Variants in KLRG2 observed in about 807,000 individuals in gnomAD.
KLRG2 encodes the protein killer cell lectin-like receptor subfamily G member 2.
In KLRG2, 39 loss-of-function variants were observed where a neutral mutation model predicts 35.4. The ratio of observed to expected loss-of-function variants is 1.10; its 90% CI spans 0.85 to 1.44. The LOEUF is 1.44. Ranked by LOEUF, KLRG2 falls within the 40% of genes most tolerant of loss-of-function variation. The pLI, the probability that KLRG2 is intolerant of heterozygous loss-of-function variation, is 0.00. For synonymous variants in KLRG2, 283 were observed against 265.8 expected, an observed-to-expected ratio of 1.06 and a Z score of -0.63; for missense variants, 632 against 570.9, an observed-to-expected ratio of 1.11 and a Z score of -1.09.
the KLRG2 span, among the ~76,000 whole-genome samples, chr7:139,433,418 C>T: frequency 2.0e-5 from 3 of 151,984 alleles, no homozygotes; most frequent in Admixed American, 6.6e-5. Flanking sequence ...CTCCACTTCC[C>T]GAGTTCAAGC....
chr7:139,470,294 G>A (rs1004244312), intron 3 of KLRG2, among the ~76,000 whole-genome samples: 1 of 151,692 alleles, frequency 6.6e-6, no homozygotes, highest in Non-Finnish European at 1.5e-5. Flanking sequence ...TCCTGACCTC[G>A]TGATCTGCCC....
the KLRG2 span, among the ~76,000 whole-genome samples, chr7:139,432,048 G>GT: frequency 8.3e-6 from 1 of 120,674 alleles, no homozygotes; most frequent in African/African-American, 5.8e-5. Context: ...GTAAATGTAT[G>GT]TTTTAAAAAA....
At chr7:139,453,808 C>A in intron 4 of KLRG2, 101 bp from the exon 5 acceptor site, 1 of 1,388,066 alleles carries the variant, frequency 7.2e-7, no homozygotes, top group South Asian at 1.2e-5. Context: ...CCTCTACCGG[C>A]CTGGGCACTG....
Position 139,475,036 on chromosome 7 carries a change from T to C in KLRG2, c.1005+4591A>G, listed in dbSNP as rs761427447. Among the ~76,000 whole-genome samples the C allele has an allele frequency of 5.8e-4, 89 of 152,170 alleles. 1 individual carries two copies. The highest frequency in any genetic ancestry group is 3.2e-3 in the Middle Eastern group (1 of 316). On this transcript the variant is annotated intron_variant, in intron 3 of 4. Transcript: ENST00000340940. ...TGCTGCAGAGACAGGCCAAGAAGAA[T>C]TGGAGCAGACAGGCCTCGCTGGGTT...
intron 3 of KLRG2, among the ~76,000 whole-genome samples, chr7:139,472,582 T>TA (rs796080881): frequency 9.4e-4 from 129 of 137,742 alleles, no homozygotes; most frequent in East Asian, 2.7e-3. Flanking sequence ...CCGTGTCCAT[T>TA]AAAAAAAAAA....
At chr7:139,432,589 C>T in the KLRG2 span, among the ~76,000 whole-genome samples, 1 of 136,590 alleles carries the variant, frequency 7.3e-6, no homozygotes, top group African/African-American at 2.8e-5. Context: ...TCTAACTGTT[C>T]CTCAGGTCTG....
At chr7:139,446,800 C>G in the KLRG2 span, among the ~76,000 whole-genome samples, 2 of 152,110 alleles carry the variant, frequency 1.3e-5, no homozygotes, top group Non-Finnish European at 2.9e-5. Flanking sequence ...ATCCAACCTC[C>G]TCCTCCTTCA....
chr7:139,428,129 G>GC, the KLRG2 span, among the ~76,000 whole-genome samples: 2 of 152,170 alleles, frequency 1.3e-5, no homozygotes, highest in Non-Finnish European at 2.9e-5. Flanking sequence ...GATGATAACT[G>GC]CAAGTACTGT....
intron 3 of KLRG2, among the ~76,000 whole-genome samples, chr7:139,455,119 A>G (rs1420808600): frequency 6.7e-6 from 1 of 148,644 alleles, no homozygotes; most frequent in East Asian, 2.0e-4. Context: ...CTCAGGTTCA[A>G]CCGATTCTCC....
downstream of KLRG2, among the ~76,000 whole-genome samples, chr7:139,448,053 C>T (rs754066393): frequency 1.3e-5 from 2 of 152,016 alleles, no homozygotes; most frequent in Non-Finnish European, 2.9e-5. Context: ...GGAGTGCAGG[C>T]GTACAATCAT....
chr7:139,471,831 T>C (rs776464078), intron 3 of KLRG2, among the ~76,000 whole-genome samples: 12 of 152,182 alleles, frequency 7.9e-5, no homozygotes, highest in Non-Finnish European at 1.2e-4. Flanking sequence ...CTGTCACTCA[T>C]TGTCTGTCCC....
intron 1 of KLRG2, 94 bp from the exon 2 acceptor site, chr7:139,480,341 C>A: frequency 1.4e-6 from 1 of 709,586 alleles, no homozygotes; most frequent in East Asian, 2.7e-5. Context: ...GCATCTCACC[C>A]ACCTCACCCC....
At chr7:139,477,021 T>C (rs1259784109) in intron 3 of KLRG2, among the ~76,000 whole-genome samples, 3 of 152,140 alleles carry the variant, frequency 2.0e-5, no homozygotes, top group Non-Finnish European at 4.4e-5. Flanking sequence ...TACACACTCA[T>C]TAAAGCACTG....
chr7:139,461,665 C>T (rs1796569996), intron 3 of KLRG2, among the ~76,000 whole-genome samples: 1 of 152,104 alleles, frequency 6.6e-6, no homozygotes, highest in South Asian at 2.1e-4. Context: ...CCTTATGACC[C>T]CCGCCCCTGC....
At chr7:139,450,427 G>T (rs945628148), downstream of KLRG2, among the ~76,000 whole-genome samples, 3 of 152,022 alleles carry the variant, frequency 2.0e-5, no homozygotes, top group Non-Finnish European at 2.9e-5. Flanking sequence ...GTTTCACCGT[G>T]TTAGCCAGGC....
At position 139,479,786 on chromosome 7, in the gene KLRG2, G is replaced by A. The variant is rs1796923282; in HGVS notation, c.860-14C>T. On this transcript the variant is annotated splice_polypyrimidine_tract_variant and intron_variant, in intron 2 of 4. Coordinates refer to ENST00000340940, the MANE Select transcript of KLRG2 (RefSeq NM_198508.4). Reference sequence around the variant, plus strand: ...GGCATCTGGCTCCTGCAAGCACAGAGACTGCTGGTGAGCTGCAGGGTAAGC... The same window carrying A: ...GGCATCTGGCTCCTGCAAGCACAGAAACTGCTGGTGAGCTGCAGGGTAAGC... The A allele has an allele frequency of 1.2e-6, 2 of 1,611,392 alleles. No homozygotes were observed. Among genetic ancestry groups the A allele is most frequent in the South Asian group, 1.1e-5 (1 of 90,762 alleles).
At chr7:139,468,994 G>C (rs535321965) in intron 3 of KLRG2, among the ~76,000 whole-genome samples, 1 of 152,202 alleles carries the variant, frequency 6.6e-6, no homozygotes, top group East Asian at 1.9e-4. Flanking sequence ...CAGGGAGAAG[G>C]GCCACTACCT....
chr7:139,454,333 A>G (rs1337087635), intron 3 of KLRG2, 119 bp from the exon 4 acceptor site: 1 of 649,188 alleles, frequency 1.5e-6, no homozygotes, highest in African/African-American at 1.9e-5. Context: ...GATCTGCTCA[A>G]GCCAGCACTT....
At chr7:139,456,094 G>C (rs1294617162) in intron 3 of KLRG2, among the ~76,000 whole-genome samples, 2 of 151,918 alleles carry the variant, frequency 1.3e-5, no homozygotes, top group African/African-American at 4.8e-5. Context: ...TTCACACTGA[G>C]GCAGGTTAGG....
Sources: gnomAD v4.1 joint callset for allele counts (sites outside exome capture counted in the v4.1 genomes callset) on GRCh38, gnomAD v4.1.1 for gene constraint, MANE v1.5 for transcripts, NCBI Gene and HGNC (gene_info 2026-07-23, HGNC 2026-07-21) for gene names.